SLC24A2: variants seen among roughly 807,000 people sequenced by gnomAD.
The protein encoded by SLC24A2 is sodium/potassium/calcium exchanger 2.
A neutral mutation model predicts 62.0 loss-of-function variants in SLC24A2; 36 were observed. The observed-to-expected ratio is 0.58, with a 90% confidence interval of 0.44 to 0.77. The LOEUF (loss-of-function observed/expected upper bound fraction) is 0.77, where lower values mean the gene tolerates loss of function less well. Among genes scored for constraint, SLC24A2 ranks in the 30% least tolerant of loss-of-function variants. SLC24A2 has a pLI of 0.00. For synonymous variants in SLC24A2, 358 were observed against 294.0 expected (o/e 1.22, Z -2.23); for missense variants, 846 against 817.9 (o/e 1.03, Z -0.42).
chr9:19,542,865 G>A (rs7872889), intron 8 of SLC24A2, among the ~76,000 whole-genome samples: 11,310 of 152,180 alleles, frequency 0.074, 1,412 homozygotes, highest in African/African-American at 0.26. Context: ...TTTTCGCATC[G>A]ATGTTCATCA....
the SLC24A2 span, among the ~76,000 whole-genome samples, chr9:20,209,873 T>C: frequency 2.3e-3 from 348 of 152,256 alleles, 2 homozygotes; most frequent in Non-Finnish European, 4.0e-3. Flanking sequence ...ATACATTTGG[T>C]TTAAGTACGC....
In SLC24A2 at chr9:19,788,989, T is replaced by C; in HGVS notation, c.-258A>G. The C allele has an allele frequency of 1.0e-6, 1 of 969,196 alleles. No homozygotes were observed. Among genetic ancestry groups the C allele is most frequent in the Non-Finnish European group, 1.2e-6 (1 of 815,140 alleles). 60.0% of individuals were successfully genotyped at this position (969,196 alleles called of 1,614,324 possible). A position where few individuals can be genotyped will look rare whatever the true frequency, so the allele number is the denominator to read the frequency against. ...CCCGCTCTGAGGCCCGGGCTCTGGCTCGCACTGGCTGCCGCTCTCGCCAGC... is the reference window on the plus strand; with the variant it reads ...CCCGCTCTGAGGCCCGGGCTCTGGCCCGCACTGGCTGCCGCTCTCGCCAGC... On this transcript the variant is annotated 5_prime_UTR_variant, in exon 1 of 11. Coordinates refer to ENST00000341998, the MANE Select transcript of SLC24A2 (RefSeq NM_020344.4).
chr9:20,245,422 G>T, the SLC24A2 span, among the ~76,000 whole-genome samples: 1 of 152,178 alleles, frequency 6.6e-6, no homozygotes, highest in South Asian at 2.1e-4. Context: ...GGAAGTCTAT[G>T]ATGTTTTCTG....
chr9:19,850,580 T>A, the SLC24A2 span, among the ~76,000 whole-genome samples: 4 of 152,080 alleles, frequency 2.6e-5, no homozygotes, highest in Non-Finnish European at 5.9e-5. Context: ...TTAGCACATA[T>A]CCATTATCCC....
At chr9:20,026,451 C>T in the SLC24A2 span, among the ~76,000 whole-genome samples, 1 of 152,082 alleles carries the variant, frequency 6.6e-6, no homozygotes, top group Non-Finnish European at 1.5e-5. Context: ...TTAAAAAATC[C>T]CTAGGACCAT....
the SLC24A2 span, among the ~76,000 whole-genome samples, chr9:19,815,270 C>T: frequency 6.6e-6 from 1 of 152,102 alleles, no homozygotes; most frequent in African/African-American, 2.4e-5. Context: ...CCTGCAAATT[C>T]TGAACAAGGC....
the SLC24A2 span, among the ~76,000 whole-genome samples, chr9:20,144,410 T>C: frequency 2.6e-5 from 4 of 152,336 alleles, no homozygotes; most frequent in Admixed American, 2.0e-4. Flanking sequence ...GTTATACGGA[T>C]GTCTGTTAGC....
intron 2 of SLC24A2, among the ~76,000 whole-genome samples, chr9:19,694,138 A>C (rs940752666): frequency 6.6e-6 from 1 of 152,166 alleles, no homozygotes; most frequent in African/African-American, 2.4e-5. Context: ...ATTCTAAATA[A>C]ACATGCTTTT....
the SLC24A2 span, among the ~76,000 whole-genome samples, chr9:20,110,662 G>T: frequency 6.6e-6 from 1 of 151,914 alleles, no homozygotes; most frequent in Admixed American, 6.6e-5. Flanking sequence ...TCTCTTTGGT[G>T]AATTGTCTTG....
the SLC24A2 span, among the ~76,000 whole-genome samples, chr9:19,900,484 A>G: frequency 4.2e-4 from 64 of 152,256 alleles, no homozygotes; most frequent in African/African-American, 1.5e-3. Flanking sequence ...TGATTTTGGC[A>G]TCAGGCAGGC....
chr9:19,727,125 T>A (rs74566444), intron 2 of SLC24A2, among the ~76,000 whole-genome samples: 2 of 152,150 alleles, frequency 1.3e-5, no homozygotes, highest in Non-Finnish European at 2.9e-5. Flanking sequence ...AGCAGTTCTG[T>A]GTCTGTGGGC....
the SLC24A2 span, among the ~76,000 whole-genome samples, chr9:20,186,911 G>A: frequency 1.3e-5 from 2 of 152,076 alleles, no homozygotes; most frequent in Admixed American, 1.3e-4. Context: ...TGACCTTTGG[G>A]CAGGGGTGTG....
chr9:20,199,223 T>C, the SLC24A2 span, among the ~76,000 whole-genome samples: 1 of 152,238 alleles, frequency 6.6e-6, no homozygotes, highest in Non-Finnish European at 1.5e-5. Context: ...AAGTGGTCCA[T>C]TTCAACTTCA....
intron 2 of SLC24A2, among the ~76,000 whole-genome samples, chr9:19,783,307 T>C (rs1823068434): frequency 6.6e-6 from 1 of 152,210 alleles, no homozygotes; most frequent in South Asian, 2.1e-4. Flanking sequence ...CCCATAATTT[T>C]GCAAACAGGA....
chr9:20,100,081 C>T, the SLC24A2 span, among the ~76,000 whole-genome samples: 1 of 151,922 alleles, frequency 6.6e-6, no homozygotes, highest in African/African-American at 2.4e-5. Flanking sequence ...TGCAGTGGTG[C>T]AATTGACAGC....
At chr9:20,249,368 G>A in the SLC24A2 span, among the ~76,000 whole-genome samples, 1 of 152,128 alleles carries the variant, frequency 6.6e-6, no homozygotes, top group African/African-American at 2.4e-5. Flanking sequence ...GTCATCTGGG[G>A]ACAATAATAC....
chr9:19,827,037 C>T, the SLC24A2 span, among the ~76,000 whole-genome samples: 1 of 152,120 alleles, frequency 6.6e-6, no homozygotes, highest in African/African-American at 2.4e-5. Flanking sequence ...GTAGGACAGA[C>T]TTTCCTACAC....
chr9:19,541,870 T>C (rs1216826189), intron 8 of SLC24A2, among the ~76,000 whole-genome samples: 1 of 151,876 alleles, frequency 6.6e-6, no homozygotes, highest in Admixed American at 6.6e-5. Flanking sequence ...TCCGTGGGCG[T>C]AGGACCCTCT....
At chr9:20,239,877 C>CT in the SLC24A2 span, among the ~76,000 whole-genome samples, 21,421 of 143,918 alleles carry the variant, frequency 0.15, 1,875 homozygotes, top group African/African-American at 0.23. Flanking sequence ...TGCCTTCTGG[C>CT]TTTTTTTTTT....
Sources: gnomAD v4.1 joint callset for allele counts (sites outside exome capture counted in the v4.1 genomes callset) on GRCh38, gnomAD v4.1.1 for gene constraint, MANE v1.5 for transcripts, NCBI Gene and HGNC (gene_info 2026-07-23, HGNC 2026-07-21) for gene names.